The following ACSS3 variants were observed in gnomAD, a reference collection of about 807,000 sequenced individuals.
ACSS3 encodes the protein acyl-CoA synthetase short chain family member 3, also known as acyl-CoA synthetase short-chain family member 3, mitochondrial.
Under a neutral mutation model 84.2 loss-of-function variants are expected in ACSS3, and 64 were observed. The ratio of observed to expected loss-of-function variants is 0.76; its 90% CI spans 0.62 to 0.94. ACSS3 has a LOEUF of 0.94. ACSS3 is among the 40% of genes least tolerant of loss of function. The probability of loss-of-function intolerance (pLI) is 0.00; values close to 1 mark genes in which losing one functional copy is unlikely to be tolerated. For synonymous variants in ACSS3, 317 were observed against 310.1 expected (o/e 1.02, Z -0.23); for missense variants, 815 against 867.6 (o/e 0.94, Z 0.76).
intron 2 of ACSS3, among the ~76,000 whole-genome samples, chr12:81,111,000 A>G (rs1471152275): frequency 6.6e-6 from 1 of 152,198 alleles, no homozygotes; most frequent in Non-Finnish European, 1.5e-5. Flanking sequence ...AAGAAAGGCA[A>G]CTCAGACTAA....
chr12:81,211,094 A>G (rs7971711), intron 9 of ACSS3, among the ~76,000 whole-genome samples: 101,879 of 151,846 alleles, frequency 0.67, 34,554 homozygotes, highest in Non-Finnish European at 0.73. Flanking sequence ...AGCCTGCCCA[A>G]TAGCTGGGAC....
chr12:81,156,064 A>T (rs989944039), intron 7 of ACSS3, among the ~76,000 whole-genome samples: 4 of 152,148 alleles, frequency 2.6e-5, no homozygotes, highest in African/African-American at 9.6e-5. Flanking sequence ...CTATTTTAAG[A>T]CCACAGTATT....
intron 9 of ACSS3, among the ~76,000 whole-genome samples, chr12:81,201,703 TA>T (rs907694638): frequency 7.9e-5 from 12 of 152,330 alleles, no homozygotes; most frequent in Admixed American, 7.8e-4. Context: ...TGGATTTTAC[TA>T]ATAAAATGAA....
At chr12:81,145,743 T>C (rs1886309961) in intron 5 of ACSS3, among the ~76,000 whole-genome samples, 1 of 152,180 alleles carries the variant, frequency 6.6e-6, no homozygotes, top group South Asian at 2.1e-4. Context: ...GTCTTTGACA[T>C]ACTCATCATG....
intron 1 of ACSS3, among the ~76,000 whole-genome samples, chr12:81,095,485 T>C (rs558779134): frequency 4.0e-4 from 61 of 152,330 alleles, no homozygotes; most frequent in African/African-American, 1.4e-3. Flanking sequence ...ACTTAACTTA[T>C]TGGTTTTTCC....
chr12:81,248,141 C>A (rs1352671801), intron 13 of ACSS3, among the ~76,000 whole-genome samples: 1 of 151,934 alleles, frequency 6.6e-6, no homozygotes, highest in Non-Finnish European at 1.5e-5. Context: ...TGGAAAATAG[C>A]ATGGAGATTT....
intron 5 of ACSS3, among the ~76,000 whole-genome samples, chr12:81,150,972 A>T (rs572624807): frequency 5.5e-4 from 84 of 152,316 alleles, no homozygotes; most frequent in Non-Finnish European, 9.7e-4. Context: ...ATCTCTTAGC[A>T]GGTGTTCACC....
chr12:81,197,263 G>A (rs576272699), intron 8 of ACSS3, among the ~76,000 whole-genome samples: 52 of 152,218 alleles, frequency 3.4e-4, no homozygotes, highest in African/African-American at 1.2e-3. Flanking sequence ...ATTAATTATT[G>A]TGTATTTTTC....
intron 7 of ACSS3, among the ~76,000 whole-genome samples, chr12:81,157,008 C>G (rs1182753879): frequency 6.6e-6 from 1 of 152,056 alleles, no homozygotes; most frequent in Non-Finnish European, 1.5e-5. Context: ...TTTAATGAAG[C>G]TTGTATTGCC....
intron 5 of ACSS3, 128 bp downstream of exon 5, chr12:81,143,375 A>AT (rs928322262): frequency 2.2e-3 from 2,261 of 1,046,466 alleles, no homozygotes; most frequent in South Asian, 3.4e-3. Context: ...ATTTGCTTTT[A>AT]TTTTTTTTTC....
chr12:81,213,309 T>C (rs963284917), intron 9 of ACSS3, among the ~76,000 whole-genome samples: 4 of 151,774 alleles, frequency 2.6e-5, no homozygotes, highest in Non-Finnish European at 5.9e-5. Flanking sequence ...AGAGCAAGAG[T>C]GTTTATCTTG....
chr12:81,135,279 ATATAT>A (rs1432356725), intron 3 of ACSS3, among the ~76,000 whole-genome samples: 3 of 133,222 alleles, frequency 2.3e-5, no homozygotes, highest in Admixed American at 7.6e-5. Flanking sequence ...GATATATATA[ATATAT>A]TATATATATT....
intron 9 of ACSS3, among the ~76,000 whole-genome samples, chr12:81,203,349 G>T (rs1314572705): frequency 1.3e-5 from 2 of 152,012 alleles, no homozygotes; most frequent in African/African-American, 2.4e-5. Context: ...GTCTCTTCTG[G>T]AAACATCTTC....
intron 1 of ACSS3, among the ~76,000 whole-genome samples, chr12:81,083,096 GAGGATAGTTATA>G (rs1881088931): frequency 6.6e-6 from 1 of 152,194 alleles, no homozygotes; most frequent in Non-Finnish European, 1.5e-5. Context: ...AGTGTCCTTA[GAGGATAGTTATA>G]GTAGACCAGC....
At chr12:81,082,613 T>A (rs1471229868) in intron 1 of ACSS3, among the ~76,000 whole-genome samples, 2 of 152,210 alleles carry the variant, frequency 1.3e-5, no homozygotes, top group Non-Finnish European at 2.9e-5. Flanking sequence ...GAAAATTATC[T>A]TGAGATGGAA....
intron 2 of ACSS3, among the ~76,000 whole-genome samples, chr12:81,128,997 T>G (rs1885302022): frequency 6.6e-6 from 1 of 152,204 alleles, no homozygotes; most frequent in African/African-American, 2.4e-5. Context: ...CCCTGAAAAC[T>G]ACTGGAAAAG....
intron 13 of ACSS3, among the ~76,000 whole-genome samples, chr12:81,248,926 A>G (rs1187990408): frequency 6.6e-6 from 1 of 152,030 alleles, no homozygotes; most frequent in Non-Finnish European, 1.5e-5. Context: ...TTCTATTAAA[A>G]TTATTACACC....
chr12:81,199,558 G>A (rs749691473), intron 9 of ACSS3, 114 bp downstream of exon 9: 17 of 1,454,614 alleles, frequency 1.2e-5, no homozygotes, highest in South Asian at 7.3e-5. Context: ...CTCGGGATTC[G>A]AGTGGTTCAG....
chr12:81,233,664 G>A (rs879424545), intron 13 of ACSS3, among the ~76,000 whole-genome samples, 193 bp downstream of exon 13: 9 of 151,496 alleles, frequency 5.9e-5, no homozygotes, highest in Admixed American at 1.3e-4. Context: ...CACATCCCTG[G>A]GTGGTAGTGA....
Sources: gnomAD v4.1 joint callset for allele counts (sites outside exome capture counted in the v4.1 genomes callset) on GRCh38, gnomAD v4.1.1 for gene constraint, MANE v1.5 for transcripts, NCBI Gene and HGNC (gene_info 2026-07-23, HGNC 2026-07-21) for gene names.